Variants in CERS3 observed in about 807,000 individuals in gnomAD.
CERS3 encodes the protein LAG1 homolog, ceramide synthase 3.
Under a neutral mutation model 50.3 loss-of-function variants are expected in CERS3, and 33 were observed. That is an observed-to-expected ratio of 0.66 (90% CI 0.50 to 0.88). The LOEUF (loss-of-function observed/expected upper bound fraction) is 0.88. CERS3 is among the 40% of genes least tolerant of loss of function. The pLI is 0.00. For missense variants in CERS3, 470 were observed against 460.3 expected (o/e 1.02, Z -0.19); for synonymous variants, 176 against 155.2 (o/e 1.13, Z -0.99).
intron 3 of CERS3, among the ~76,000 whole-genome samples, chr15:100,501,175 G>A (rs1224643351): frequency 6.6e-6 from 1 of 152,152 alleles, no homozygotes; most frequent in Non-Finnish European, 1.5e-5. Flanking sequence ...AGAACGAAGG[G>A]CAGCTATTAA....
intron 11 of CERS3, among the ~76,000 whole-genome samples, chr15:100,454,535 T>C (rs951318689): frequency 6.6e-6 from 1 of 152,014 alleles, no homozygotes; most frequent in Non-Finnish European, 1.5e-5. Flanking sequence ...CTGTCTCTCA[T>C]CATATACAAA....
At chr15:100,509,816 A>T (rs897888902) in intron 2 of CERS3, among the ~76,000 whole-genome samples, 8 of 152,138 alleles carry the variant, frequency 5.3e-5, no homozygotes, top group African/African-American at 9.7e-5. Context: ...GAATGAATGG[A>T]TGTAAAGCTT....
In CERS3 at chr15:100,475,517, G is replaced by C. The variant is rs952480818; in HGVS notation, c.609+569C>G. 5.3e-5 allele frequency among the ~76,000 whole-genome samples: 8 copies of C among 152,188 alleles called. 1 individual carries two copies. The highest frequency in any genetic ancestry group is 2.0e-4 in the Admixed American group (3 of 15,272). ...GGATTTAACATGGTTTGCTGGATTA[G>C]TAATTAGGAATCAGTAACAACCAAA... On this transcript the variant is annotated intron_variant, in intron 8 of 11. Transcript: ENST00000679737.
intron 7 of CERS3, among the ~76,000 whole-genome samples, chr15:100,478,649 T>A (rs538802926): frequency 6.6e-6 from 1 of 150,784 alleles, no homozygotes; most frequent in East Asian, 2.0e-4. Flanking sequence ...TAGAAGACAA[T>A]GAAATAACAT....
At chr15:100,497,281 A>T (rs935640196) in intron 3 of CERS3, among the ~76,000 whole-genome samples, 1 of 151,782 alleles carries the variant, frequency 6.6e-6, no homozygotes, top group Non-Finnish European at 1.5e-5. Flanking sequence ...AGAGAGACAC[A>T]CACAGAGAGA....
upstream of CERS3, among the ~76,000 whole-genome samples, chr15:100,531,146 T>C (rs1446828360): frequency 6.6e-5 from 10 of 152,222 alleles, no homozygotes; most frequent in Admixed American, 6.5e-4. Flanking sequence ...TTTCATGCTT[T>C]GTTTTAGTTA....
chr15:100,522,465 G>A (rs545627244), intron 1 of CERS3, among the ~76,000 whole-genome samples: 1 of 152,318 alleles, frequency 6.6e-6, no homozygotes, highest in Admixed American at 6.5e-5. Context: ...AAAAGAATAT[G>A]ACCAGCACCC....
At chr15:100,461,369 G>A (rs2034546231) in intron 10 of CERS3, among the ~76,000 whole-genome samples, 2 of 152,144 alleles carry the variant, frequency 1.3e-5, no homozygotes, top group South Asian at 4.1e-4. Context: ...TCTTCTAAGA[G>A]AGCTGAGCCT....
chr15:100,423,086 TAA>T (rs79815816), intron 11 of CERS3, among the ~76,000 whole-genome samples: 785 of 59,308 alleles, frequency 0.013, 8 homozygotes, highest in African/African-American at 0.045. Flanking sequence ...TAAAGTATAA[TAA>T]AAAAAAAATG....
chr15:100,417,773 C>A (rs979448265), intron 11 of CERS3, among the ~76,000 whole-genome samples: 5 of 151,798 alleles, frequency 3.3e-5, no homozygotes, highest in African/African-American at 1.2e-4. Context: ...GTCCCTGACC[C>A]CTGACCCCTG....
At chr15:100,454,084 C>G (rs534293391) in intron 11 of CERS3, among the ~76,000 whole-genome samples, 1 of 152,272 alleles carries the variant, frequency 6.6e-6, no homozygotes, top group East Asian at 1.9e-4. Context: ...AGATTCAATT[C>G]AATCTCTACC....
At chr15:100,451,731 CA>C (rs75610782) in intron 11 of CERS3, among the ~76,000 whole-genome samples, 1 of 151,266 alleles carries the variant, frequency 6.6e-6, no homozygotes, top group African/African-American at 2.4e-5. Flanking sequence ...ACAAAACAAA[CA>C]AAAAACCAAA....
At chr15:100,510,723 T>C (rs187096103) in intron 2 of CERS3, among the ~76,000 whole-genome samples, 2 of 152,346 alleles carry the variant, frequency 1.3e-5, no homozygotes, top group East Asian at 3.9e-4. Flanking sequence ...TCTCTCTGCC[T>C]TCCTGATAGC....
At chr15:100,496,186 T>A (rs1248363490) in intron 3 of CERS3, among the ~76,000 whole-genome samples, 1 of 152,196 alleles carries the variant, frequency 6.6e-6, no homozygotes, top group Non-Finnish European at 1.5e-5. Flanking sequence ...TTTAGCTCTT[T>A]GCCAAGAGAA....
chr15:100,540,030 C>T (rs1375325613), intron 1 of CERS3, among the ~76,000 whole-genome samples: 1 of 152,174 alleles, frequency 6.6e-6, no homozygotes. Context: ...ATGCTGATTA[C>T]ATTAAATCTA....
chr15:100,513,274 G>T (rs549279555), intron 2 of CERS3, among the ~76,000 whole-genome samples: 1 of 152,260 alleles, frequency 6.6e-6, no homozygotes, highest in East Asian at 1.9e-4. Flanking sequence ...CCTGTTGTAT[G>T]CAGAAGAAAC....
chr15:100,461,706 T>C (rs2034557208), intron 10 of CERS3, among the ~76,000 whole-genome samples: 1 of 152,174 alleles, frequency 6.6e-6, no homozygotes. Context: ...AGGGTGCTCC[T>C]GAAATGGCTG....
At chr15:100,425,693 A>T (rs181933301) in intron 11 of CERS3, among the ~76,000 whole-genome samples, 18 of 152,294 alleles carry the variant, frequency 1.2e-4, no homozygotes, top group African/African-American at 4.3e-4. Context: ...TTAATGCTAA[A>T]ATGAGTTGAG....
chr15:100,531,993 G>A (rs973110023), upstream of CERS3, among the ~76,000 whole-genome samples: 1 of 152,170 alleles, frequency 6.6e-6, no homozygotes. Context: ...AATTGGGAAG[G>A]AGAGGGATAG....
Sources: allele counts gnomAD v4.1 joint callset (sites outside exome capture counted in the v4.1 genomes callset), GRCh38; gene constraint gnomAD v4.1.1; transcripts MANE v1.5; gene names NCBI Gene and HGNC (gene_info 2026-07-23, HGNC 2026-07-21).